EPS15: variants seen among roughly 807,000 people sequenced by gnomAD.
EPS15 encodes the protein epidermal growth factor receptor substrate 15.
Under a neutral mutation model 113.8 loss-of-function variants are expected in EPS15, and 72 were observed. That is an observed-to-expected ratio of 0.63 (90% confidence interval 0.52 to 0.77). The LOEUF is 0.77. Ranked by LOEUF, EPS15 falls within the 30% of genes least tolerant of loss-of-function variation. EPS15 has a pLI of 0.00. For synonymous variants in EPS15, 344 were observed against 363.4 expected (o/e 0.95, Z 0.61); for missense variants, 1,048 against 1,045.8 (o/e 1.00, Z -0.03).
chr1:51,464,590 T>TC (rs1286471780), intron 6 of EPS15, among the ~76,000 whole-genome samples: 1 of 152,206 alleles, frequency 6.6e-6, no homozygotes, highest in Non-Finnish European at 1.5e-5. Context: ...TCTCCATTTT[T>TC]CCCAAAGCAA....
intron 21 of EPS15, among the ~76,000 whole-genome samples, chr1:51,370,279 T>C (rs540060249): frequency 2.0e-5 from 3 of 152,220 alleles, no homozygotes; most frequent in African/African-American, 7.2e-5. Context: ...CACGATTATG[T>C]GGAGTACACA....
At chr1:51,430,099 G>A (rs750307431) in intron 12 of EPS15, among the ~76,000 whole-genome samples, 6 of 152,046 alleles carry the variant, frequency 3.9e-5, no homozygotes, top group Admixed American at 6.6e-5. Flanking sequence ...GGCTCTTATC[G>A]CTCAGAAAGC....
chr1:51,430,321 C>T (rs1651604181), intron 12 of EPS15, among the ~76,000 whole-genome samples: 1 of 151,980 alleles, frequency 6.6e-6, no homozygotes, highest in South Asian at 2.1e-4. Flanking sequence ...TTAATCCCAG[C>T]ACTTTGGGAG....
chr1:51,468,629 C>CA, intron 4 of EPS15, 61 bp from the exon 5 acceptor site: 1 of 972,470 alleles, frequency 1.0e-6, no homozygotes. Context: ...CCTACCTGCA[C>CA]AAATACTTAC....
At chr1:51,509,525 G>C (rs952588402) in intron 1 of EPS15, among the ~76,000 whole-genome samples, 1 of 152,098 alleles carries the variant, frequency 6.6e-6, no homozygotes, top group African/African-American at 2.4e-5. Flanking sequence ...CCAGGTTTTA[G>C]TCAATAAAAG....
Position 51,448,143 on chromosome 1 carries a change from A to G in EPS15, c.562-8T>C. On this transcript the variant is annotated splice_region_variant and splice_polypyrimidine_tract_variant and intron_variant, in intron 8 of 24. Coordinates refer to ENST00000371733, the MANE Select transcript of EPS15 (RefSeq NM_001981.3). The stretch of plus-strand genomic sequence containing the variant: ...GTATACCAAAAACATGGCCTTCAAA[A>G]TAAATGAACCAGGGTCATATATATT... 1 of 1,589,880 alleles carries G rather than the reference A, an allele frequency of 6.3e-7. No individual in the cohort carries two copies. The highest frequency in any genetic ancestry group is 8.6e-7 in the Non-Finnish European group (1 of 1,158,574).
chr1:51,486,386 T>C (rs1002235449), intron 1 of EPS15, among the ~76,000 whole-genome samples: 5 of 144,446 alleles, frequency 3.5e-5, no homozygotes, highest in African/African-American at 7.7e-5. Flanking sequence ...GACTGTGCCA[T>C]TGCACTCCAG....
chr1:51,410,837 G>A (rs1057364489), intron 13 of EPS15, among the ~76,000 whole-genome samples: 2 of 152,182 alleles, frequency 1.3e-5, no homozygotes, highest in Non-Finnish European at 2.9e-5. Flanking sequence ...TATGATAATA[G>A]CCAACACTTT....
chr1:51,369,115 AT>A (rs1244418279), intron 21 of EPS15, among the ~76,000 whole-genome samples: 1 of 152,260 alleles, frequency 6.6e-6, no homozygotes, highest in African/African-American at 2.4e-5. Context: ...ATTGTGAAGC[AT>A]ATATTGTGAA....
At chr1:51,364,565 G>A (rs1055677301) in intron 22 of EPS15, among the ~76,000 whole-genome samples, 2 of 151,812 alleles carry the variant, frequency 1.3e-5, no homozygotes, top group African/African-American at 4.8e-5. Flanking sequence ...CACAATCATA[G>A]CTCACTGCAG....
At chr1:51,479,883 T>C (rs1643988727) in intron 2 of EPS15, among the ~76,000 whole-genome samples, 1 of 152,104 alleles carries the variant, frequency 6.6e-6, no homozygotes, top group Non-Finnish European at 1.5e-5. Flanking sequence ...GCCTCACGGG[T>C]AGTAAAGTAA....
chr1:51,355,601 G>T lies in EPS15; in HGVS notation c.*1099C>A, dbSNP rs915878842. ...TTTATAGGTGAAAAACATGAAGTGA[G>T]TAAATAAACTAAACCACAAAGATGG... On this transcript the variant is annotated 3_prime_UTR_variant, in exon 25 of 25. Transcript: ENST00000371733. 1.0e-4 allele frequency: 19 copies of T among 189,728 alleles called. No individual in the cohort carries two copies. Among genetic ancestry groups the T allele is most frequent in the African/African-American group, 3.8e-4 (16 of 42,658 alleles). The allele number at this position is 189,728 out of a possible 1,614,324, so 11.8% of individuals were successfully genotyped here.
intron 8 of EPS15, among the ~76,000 whole-genome samples, chr1:51,454,433 T>C (rs1361778858): frequency 6.6e-6 from 1 of 152,204 alleles, no homozygotes; most frequent in Non-Finnish European, 1.5e-5. Flanking sequence ...CAAACACTTA[T>C]CTTAAATAAG....
At chr1:51,372,414 T>C in intron 21 of EPS15, 1 of 535,150 alleles carries the variant, frequency 1.9e-6, no homozygotes, top group Admixed American at 1.9e-5. Flanking sequence ...ACTTGATGTA[T>C]CCAACAGTTC....
At chr1:51,420,446 A>C (rs1164119836) in intron 13 of EPS15, among the ~76,000 whole-genome samples, 1 of 152,194 alleles carries the variant, frequency 6.6e-6, no homozygotes, top group Non-Finnish European at 1.5e-5. Context: ...TAAATTTAGA[A>C]GCTGTCCAAA....
At chr1:51,386,169 G>A (rs1557787537) in intron 21 of EPS15, among the ~76,000 whole-genome samples, 2 of 152,062 alleles carry the variant, frequency 1.3e-5, no homozygotes, top group Admixed American at 6.6e-5. Context: ...AATAACATAC[G>A]CCCAGGCATA....
At position 51,468,456 on chromosome 1, in the gene EPS15, C is replaced by A; in HGVS notation, c.309+17G>T. 1 of 1,508,422 alleles carries A rather than the reference C, an allele frequency of 6.6e-7. No individual in the cohort carries two copies. The highest frequency in any genetic ancestry group is 9.2e-7 in the Non-Finnish European group (1 of 1,083,760). 93.4% of individuals were successfully genotyped at this position (1,508,422 alleles called of 1,614,324 possible). A position where few individuals can be genotyped will look rare whatever the true frequency, so the allele number is the denominator to read the frequency against. On this transcript the variant is annotated intron_variant, in intron 5 of 24. Coordinates refer to ENST00000371733, the MANE Select transcript of EPS15 (RefSeq NM_001981.3). ...TTTAAAAATTAAATACAATTTAAAT[C>A]TAAAAGCATTTCTTACAAATCTTGG...
chr1:51,508,241 AGAG>A (rs763603523), intron 1 of EPS15, among the ~76,000 whole-genome samples: 2,208 of 65,448 alleles, frequency 0.034, 34 homozygotes, highest in East Asian at 0.095. Flanking sequence ...AAGAAAAGAA[AGAG>A]AGAAAGAGAG....
intron 5 of EPS15, among the ~76,000 whole-genome samples, chr1:51,465,899 C>G (rs139250158): frequency 1.3e-5 from 2 of 150,820 alleles, no homozygotes; most frequent in Non-Finnish European, 2.9e-5. Flanking sequence ...AAACAAGCAA[C>G]TAGTTACTGG....
Sources: gnomAD v4.1 joint callset for allele counts (sites outside exome capture counted in the v4.1 genomes callset) on GRCh38, gnomAD v4.1.1 for gene constraint, MANE v1.5 for transcripts, NCBI Gene and HGNC (gene_info 2026-07-23, HGNC 2026-07-21) for gene names.